The following PDE12 variants were observed in gnomAD, a reference collection of about 807,000 sequenced individuals.
PDE12 encodes 2',5'-phosphodiesterase 12.
PDE12 carries 26 observed loss-of-function variants against 45.4 expected under a neutral mutation model. That is an observed-to-expected ratio of 0.57 (90% CI 0.42 to 0.79). The LOEUF (loss-of-function observed/expected upper bound fraction) is 0.79. Ranked by LOEUF, PDE12 falls within the 30% of genes least tolerant of loss-of-function variation. The probability of loss-of-function intolerance (pLI) is 0.00; values close to 1 mark genes in which losing one functional copy is unlikely to be tolerated. For synonymous variants in PDE12, 283 were observed against 323.9 expected, an observed-to-expected ratio of 0.87 and a Z score of 1.36; for missense variants, 668 against 790.0, an observed-to-expected ratio of 0.85 and a Z score of 1.85.
the PDE12 span, among the ~76,000 whole-genome samples, chr3:57,649,967 A>G: frequency 6.6e-6 from 1 of 151,796 alleles, no homozygotes; most frequent in African/African-American, 2.4e-5. Flanking sequence ...CAGCCATAAA[A>G]AGGAATGAAA....
the PDE12 span, among the ~76,000 whole-genome samples, chr3:57,590,400 C>T: frequency 5.3e-5 from 8 of 151,070 alleles, no homozygotes; most frequent in Admixed American, 1.3e-4. Flanking sequence ...GCAGGAGAAT[C>T]GCTTGAACCC....
chr3:57,641,380 T>A, the PDE12 span, among the ~76,000 whole-genome samples: 1,465 of 146,234 alleles, frequency 0.01, 28 homozygotes, highest in African/African-American at 0.034. Context: ...CTAACATTTT[T>A]AAGACTTCAT....
chr3:57,637,015 T>C, the PDE12 span, among the ~76,000 whole-genome samples: 4 of 150,462 alleles, frequency 2.7e-5, no homozygotes, highest in Admixed American at 6.6e-5. Flanking sequence ...TACAGAAGCA[T>C]GAACATGTTG....
the PDE12 span, chr3:57,626,137 C>T: frequency 2.0e-5 from 3 of 152,634 alleles, no homozygotes; most frequent in Admixed American, 6.5e-5. Flanking sequence ...CCAAGGCAAA[C>T]GATTTCTTTC....
the PDE12 span, among the ~76,000 whole-genome samples, chr3:57,602,657 G>A: frequency 2.0e-5 from 3 of 151,996 alleles, no homozygotes; most frequent in East Asian, 2.0e-4. Flanking sequence ...TGCACCCTCC[G>A]TCTCCTGGGT....
At chr3:57,609,596 C>A in the PDE12 span, among the ~76,000 whole-genome samples, 1 of 152,122 alleles carries the variant, frequency 6.6e-6, no homozygotes, top group African/African-American at 2.4e-5. Context: ...TCAGAGAATA[C>A]TATAAACACC....
At chr3:57,609,175 C>A in the PDE12 span, among the ~76,000 whole-genome samples, 1 of 152,132 alleles carries the variant, frequency 6.6e-6, no homozygotes, top group Non-Finnish European at 1.5e-5. Flanking sequence ...TAAAGATGTT[C>A]TTTGAAACCA....
the PDE12 span, among the ~76,000 whole-genome samples, chr3:57,619,962 G>A: frequency 1.2e-3 from 181 of 152,310 alleles, no homozygotes; most frequent in African/African-American, 3.8e-3. Flanking sequence ...GGTGGCTCAC[G>A]CCTGTAATCC....
At chr3:57,633,422 A>T in the PDE12 span, 18 of 1,248,514 alleles carry the variant, frequency 1.4e-5, no homozygotes, top group Middle Eastern at 2.0e-4. Flanking sequence ...TAACTATCAG[A>T]TTCAATTGCT....
In PDE12 at chr3:57,559,294, T is replaced by C. The variant is rs1575772613; in HGVS notation, c.1309-16T>C. ...CAAATGCCAACTGAACTCTTGGCACTTTCCGTTTATTTTAGGTTTCAGTTC... is the reference window on the plus strand; with the variant it reads ...CAAATGCCAACTGAACTCTTGGCACCTTCCGTTTATTTTAGGTTTCAGTTC... On this transcript the variant is annotated splice_polypyrimidine_tract_variant and intron_variant, in intron 1 of 2. Coordinates refer to ENST00000311180, the MANE Select transcript of PDE12 (RefSeq NM_177966.7). The C allele has an allele frequency of 1.9e-6, 3 of 1,584,630 alleles. No individual in the cohort carries two copies. Among genetic ancestry groups the C allele is most frequent in the East Asian group, 4.5e-5 (2 of 44,720 alleles).
the PDE12 span, among the ~76,000 whole-genome samples, chr3:57,614,523 G>GTTTTTTTTGTTTTGTTTT: frequency 3.0e-5 from 4 of 132,028 alleles, no homozygotes; most frequent in South Asian, 2.5e-4. Context: ...CCTGTAATCC[G>GTTTTTTTTGTTTTGTTTT]TTTTTTTTTT....
rs765549388 is a variant in PDE12 at position 57,561,870 on chromosome 3, T to C, written c.*1866T>C. On this transcript the variant is annotated 3_prime_UTR_variant, in exon 3 of 3. Coordinates refer to ENST00000311180, the MANE Select transcript of PDE12 (RefSeq NM_177966.7). Reference sequence around the variant, plus strand: ...CATTTGACATTGAACCTTGAAGTACTTTAAGTACTCCAAGGGGAAAATTAA... The same window carrying C: ...CATTTGACATTGAACCTTGAAGTACCTTAAGTACTCCAAGGGGAAAATTAA... 8.1e-5 allele frequency: 80 copies of C among 985,240 alleles called. No homozygotes were observed. The highest frequency in any genetic ancestry group is 9.0e-5 in the Non-Finnish European group (75 of 829,856). The allele number at this position is 985,240 out of a possible 1,614,324, so 61.0% of individuals were successfully genotyped here.
chr3:57,652,809 G>A, the PDE12 span, among the ~76,000 whole-genome samples: 3 of 152,068 alleles, frequency 2.0e-5, no homozygotes, highest in African/African-American at 7.3e-5. Flanking sequence ...CTAAACTGAG[G>A]AGTTTCTGCA....
At chr3:57,583,249 G>A in the PDE12 span, among the ~76,000 whole-genome samples, 1 of 152,142 alleles carries the variant, frequency 6.6e-6, no homozygotes, top group African/African-American at 2.4e-5. Flanking sequence ...TGATTGATAT[G>A]CATATTAAAG....
chr3:57,583,759 T>G, the PDE12 span: 1 of 667,070 alleles, frequency 1.5e-6, no homozygotes, highest in Non-Finnish European at 2.6e-6. Flanking sequence ...GAGAGTCCAC[T>G]GAAGAATGTG....
chr3:57,621,851 G>T, the PDE12 span, among the ~76,000 whole-genome samples: 1 of 151,880 alleles, frequency 6.6e-6, no homozygotes, highest in African/African-American at 2.4e-5. Flanking sequence ...TGCAATGCAT[G>T]TATCTGAAAA....
chr3:57,597,213 T>A, the PDE12 span: 1 of 1,438,710 alleles, frequency 7.0e-7, no homozygotes, highest in Non-Finnish European at 9.7e-7. Context: ...CCTTTCAAGC[T>A]CCCAGGCAAA....
the PDE12 span, among the ~76,000 whole-genome samples, chr3:57,589,135 C>A: frequency 1.3e-5 from 2 of 151,522 alleles, no homozygotes; most frequent in Non-Finnish European, 2.9e-5. Context: ...GTTGTGATGG[C>A]ACATGCCTGT....
At chr3:57,652,419 AT>A in the PDE12 span, among the ~76,000 whole-genome samples, 1 of 152,158 alleles carries the variant, frequency 6.6e-6, no homozygotes, top group South Asian at 2.1e-4. Flanking sequence ...CCAGACTCCT[AT>A]GTCCAACTGA....
Sources: gnomAD v4.1 joint callset for allele counts (sites outside exome capture counted in the v4.1 genomes callset) on GRCh38, gnomAD v4.1.1 for gene constraint, MANE v1.5 for transcripts, NCBI Gene and HGNC (gene_info 2026-07-23, HGNC 2026-07-21) for gene names.